The following LPAR3 variants were observed in gnomAD, a reference collection of about 807,000 sequenced individuals.
LPAR3 encodes the protein LPA receptor 3.
A neutral mutation model predicts 17.8 loss-of-function variants in LPAR3; 7 were observed. The observed-to-expected ratio is 0.39, with a 90% CI of 0.22 to 0.74. The LOEUF (loss-of-function observed/expected upper bound fraction) is 0.74. LPAR3 is among the 30% of genes least tolerant of loss of function. The pLI, the probability that LPAR3 is intolerant of heterozygous loss-of-function variation, is 0.40. For missense variants in LPAR3, 391 were observed against 453.4 expected, an observed-to-expected ratio of 0.86 and a Z score of 1.25; for synonymous variants, 179 against 179.9, an observed-to-expected ratio of 0.99 and a Z score of 0.04.
Position 84,832,654 on chromosome 1 carries a change from G to A in LPAR3, c.737-18483C>T, listed in dbSNP as rs569398770. 7.9e-5 allele frequency among the ~76,000 whole-genome samples: 12 copies of A among 152,232 alleles called. No homozygotes were observed. In the South Asian group the frequency reaches 8.3e-4, roughly 11 times the overall value. ...ACATATAAATACACCAAACACCTTC[G>A]AGATCAGGCACCATCCCTTGGTGCC... On this transcript the variant is annotated intron_variant, in intron 2 of 2. Coordinates refer to ENST00000370611, the MANE Select transcript of LPAR3 (RefSeq NM_012152.3).
intron 2 of LPAR3, among the ~76,000 whole-genome samples, chr1:84,826,929 T>A (rs189291293): frequency 6.6e-6 from 1 of 152,226 alleles, no homozygotes; most frequent in African/African-American, 2.4e-5. Context: ...TACCTTTGCA[T>A]GCACTAGATT....
At chr1:84,833,575 G>T (rs946887839) in intron 2 of LPAR3, among the ~76,000 whole-genome samples, 1 of 152,140 alleles carries the variant, frequency 6.6e-6, no homozygotes, top group Admixed American at 6.5e-5. Flanking sequence ...GAACAGCATC[G>T]GTCAGAGGGG....
intron 1 of LPAR3, among the ~76,000 whole-genome samples, chr1:84,875,816 A>G (rs1345452688): frequency 6.6e-6 from 1 of 152,158 alleles, no homozygotes; most frequent in Non-Finnish European, 1.5e-5. Context: ...TCCATTTTTC[A>G]TAACCTGTCT....
At chr1:84,860,786 T>C (rs1490710286) in intron 2 of LPAR3, among the ~76,000 whole-genome samples, 1 of 147,222 alleles carries the variant, frequency 6.8e-6, no homozygotes, top group Non-Finnish European at 1.5e-5. Context: ...TCACCCAGGC[T>C]GGAGTGCGGG....
intron 2 of LPAR3, among the ~76,000 whole-genome samples, chr1:84,817,293 C>T (rs1040369691): frequency 2.9e-5 from 3 of 103,570 alleles, no homozygotes; most frequent in African/African-American, 4.5e-5. Flanking sequence ...ACACACACAC[C>T]CCTCACTTTT....
At chr1:84,882,047 C>T (rs1372220588) in intron 1 of LPAR3, among the ~76,000 whole-genome samples, 1 of 152,132 alleles carries the variant, frequency 6.6e-6, no homozygotes, top group Non-Finnish European at 1.5e-5. Context: ...AAAATTATCT[C>T]CGTTCATCAA....
At chr1:84,836,317 G>A (rs377664335) in intron 2 of LPAR3, among the ~76,000 whole-genome samples, 2 of 131,076 alleles carry the variant, frequency 1.5e-5, no homozygotes, top group South Asian at 2.6e-4. Context: ...CAGCCTGGGC[G>A]ATACAATGAG....
rs549419597 is a variant in LPAR3 at position 84,833,396 on chromosome 1, C to G, written c.737-19225G>C. Among the ~76,000 whole-genome samples, 131 of 152,292 alleles carry G rather than the reference C, an allele frequency of 8.6e-4. 1 individual carries two copies. The highest frequency in any genetic ancestry group is 1.7e-3 in the Non-Finnish European group (113 of 68,020). ...GTAAACTTGGGTAATACTCCCTAAGCCTTGTTTCCTCATCTGTAAAACAGA... is the reference window on the plus strand; with the variant it reads ...GTAAACTTGGGTAATACTCCCTAAGGCTTGTTTCCTCATCTGTAAAACAGA... On this transcript the variant is annotated intron_variant, in intron 2 of 2. Coordinates refer to ENST00000370611, the MANE Select transcript of LPAR3 (RefSeq NM_012152.3).
intron 2 of LPAR3, among the ~76,000 whole-genome samples, chr1:84,849,575 T>C (rs1375431065): frequency 2.6e-5 from 4 of 151,928 alleles, no homozygotes; most frequent in African/African-American, 9.7e-5. Context: ...GACTCATTGG[T>C]GAGTCCAGTT....
intron 1 of LPAR3, among the ~76,000 whole-genome samples, chr1:84,881,517 G>T (rs949227256): frequency 6.6e-6 from 1 of 152,168 alleles, no homozygotes; most frequent in Non-Finnish European, 1.5e-5. Flanking sequence ...AAAAAGTTTG[G>T]TGAAACATAC....
intron 2 of LPAR3, among the ~76,000 whole-genome samples, chr1:84,817,043 C>T (rs151186271): frequency 1.1e-4 from 17 of 152,266 alleles, no homozygotes; most frequent in East Asian, 9.7e-4. Flanking sequence ...TTCCCAGATG[C>T]GTACCTCTGG....
intron 2 of LPAR3, among the ~76,000 whole-genome samples, chr1:84,844,881 G>T (rs528708179): frequency 2.7e-4 from 41 of 152,252 alleles, no homozygotes; most frequent in South Asian, 6.2e-4. Flanking sequence ...GTTAACAGTG[G>T]TTCTAAAATC....
chr1:84,878,810 G>A (rs1174934892), intron 1 of LPAR3, among the ~76,000 whole-genome samples: 1 of 152,110 alleles, frequency 6.6e-6, no homozygotes, highest in African/African-American at 2.4e-5. Flanking sequence ...GAAAGCCTCC[G>A]TCCAAACTAC....
At chr1:84,837,415 G>A (rs900443711) in intron 2 of LPAR3, among the ~76,000 whole-genome samples, 1 of 152,160 alleles carries the variant, frequency 6.6e-6, no homozygotes, top group East Asian at 1.9e-4. Context: ...ATAGCCAGCA[G>A]GTATGCTTCC....
intron 2 of LPAR3, among the ~76,000 whole-genome samples, chr1:84,840,515 G>GA (rs1659486212): frequency 6.6e-6 from 1 of 152,172 alleles, no homozygotes; most frequent in East Asian, 1.9e-4. Flanking sequence ...CCCTGAAGAG[G>GA]AAACAATCCA....
chr1:84,814,234 T>C, intron 2 of LPAR3, 63 bp from the exon 3 acceptor site: 1 of 1,409,390 alleles, frequency 7.1e-7, no homozygotes, highest in Non-Finnish European at 9.8e-7. Flanking sequence ...CAGGTTTTCT[T>C]CTCTCCCAGC....
intron 1 of LPAR3, among the ~76,000 whole-genome samples, chr1:84,888,070 A>G (rs1237306103): frequency 6.6e-6 from 1 of 151,498 alleles, no homozygotes; most frequent in Admixed American, 6.6e-5. Context: ...TGTTTTCAAG[A>G]GTGATGGAGA....
At position 84,814,065 on chromosome 1, in the gene LPAR3, C is replaced by T; in HGVS notation, c.843G>A (p.Leu281=). 1.2e-6 allele frequency: 2 copies of T among 1,614,148 alleles called. No individual in the cohort carries two copies. Among genetic ancestry groups the T allele is most frequent in the East Asian group, 4.5e-5 (2 of 44,870 alleles). The part of the protein sequence containing the change: ...VQHVKRWFLL[L]ALLNSVVNPI... ...GGTTCACGACGGAGTTGAGCAGCGCCAGCAGCAGGAACCACCTTTTCACAT... is the reference window on the plus strand; with the variant it reads ...GGTTCACGACGGAGTTGAGCAGCGCTAGCAGCAGGAACCACCTTTTCACAT... Residue 281 remains leucine, a synonymous_variant, in exon 3 of 3, where the codon CTG becomes CTA. Coordinates refer to ENST00000370611, the MANE Select transcript of LPAR3 (RefSeq NM_012152.3).
At chr1:84,820,783 T>C (rs781026988) in intron 2 of LPAR3, among the ~76,000 whole-genome samples, 8 of 152,180 alleles carry the variant, frequency 5.3e-5, no homozygotes, top group Non-Finnish European at 7.4e-5. Context: ...GTGAGTTATG[T>C]ACCACCCTTG....
Sources: gnomAD v4.1 joint callset for allele counts (sites outside exome capture counted in the v4.1 genomes callset) on GRCh38, gnomAD v4.1.1 for gene constraint, MANE v1.5 for transcripts, NCBI Gene and HGNC (gene_info 2026-07-23, HGNC 2026-07-21) for gene names.